Variants in PKNOX2 observed in about 807,000 individuals in gnomAD.
The protein encoded by PKNOX2 is PBX/knotted 1 homeobox 2.
In PKNOX2, 14 loss-of-function variants were observed where a neutral mutation model predicts 53.1. The ratio of observed to expected loss-of-function variants is 0.26; its 90% CI spans 0.17 to 0.41. PKNOX2 has a LOEUF of 0.41. Among genes scored for constraint, PKNOX2 ranks in the 10% least tolerant of loss-of-function variants. The pLI is 1.00. For synonymous variants in PKNOX2, 257 were observed against 242.8 expected, an observed-to-expected ratio of 1.06 and a Z score of -0.54; for missense variants, 496 against 602.8, an observed-to-expected ratio of 0.82 and a Z score of 1.85.
intron 6 of PKNOX2, among the ~76,000 whole-genome samples, chr11:125,397,582 G>A (rs1041503981): frequency 2.0e-5 from 3 of 152,208 alleles, no homozygotes; most frequent in African/African-American, 4.8e-5. Context: ...GCCTCCCATC[G>A]CTAAGGCCAA....
intron 3 of PKNOX2, among the ~76,000 whole-genome samples, chr11:125,348,728 A>G (rs1951129673): frequency 6.6e-6 from 1 of 152,218 alleles, no homozygotes; most frequent in Non-Finnish European, 1.5e-5. Flanking sequence ...GACAGTGAAC[A>G]AAAGAATGTG....
rs577666590 is a variant in PKNOX2, at chr11:125,196,505, C to T, written c.-201+31729C>T. ...AACATCCTCACCAAGAAGCTTCATG[C>T]TGTGTGTTGCTAACCAGACTTTTAT... On this transcript the variant is annotated intron_variant, in intron 1 of 12. Coordinates refer to ENST00000298282, the MANE Select transcript of PKNOX2 (RefSeq NM_001382323.2). 2.0e-5 allele frequency among the ~76,000 whole-genome samples: 3 copies of T among 152,296 alleles called. No homozygotes were observed. The East Asian group carries it at 5.8e-4, about 29-fold the overall frequency.
chr11:125,340,604 G>A (rs1004137276), intron 3 of PKNOX2, among the ~76,000 whole-genome samples: 3 of 152,178 alleles, frequency 2.0e-5, no homozygotes, highest in African/African-American at 4.8e-5. Context: ...GCACAGGGAC[G>A]GCTCAGTAAG....
chr11:125,334,587 G>GTT (rs200038202), intron 3 of PKNOX2, among the ~76,000 whole-genome samples: 9 of 131,576 alleles, frequency 6.8e-5, no homozygotes, highest in Non-Finnish European at 7.9e-5. Context: ...TTAAGTTTTC[G>GTT]TTTTTTTTTT....
intron 1 of PKNOX2, among the ~76,000 whole-genome samples, chr11:125,181,714 T>C (rs1956166863): frequency 6.6e-6 from 1 of 152,200 alleles, no homozygotes; most frequent in South Asian, 2.1e-4. Context: ...GGTGAGCCCC[T>C]CAGGATCTAG....
At chr11:125,421,349 A>G (rs1956164917) in intron 10 of PKNOX2, among the ~76,000 whole-genome samples, 1 of 152,152 alleles carries the variant, frequency 6.6e-6, no homozygotes, top group South Asian at 2.1e-4. Flanking sequence ...CAGTGACCCT[A>G]ACAGGAAGCA....
At chr11:125,429,330 A>G (rs1793016188) in intron 11 of PKNOX2, among the ~76,000 whole-genome samples, 1 of 152,186 alleles carries the variant, frequency 6.6e-6, no homozygotes, top group South Asian at 2.1e-4. Flanking sequence ...CATCCCTGGA[A>G]GCTTCTTGAG....
intron 4 of PKNOX2, among the ~76,000 whole-genome samples, chr11:125,364,129 C>G (rs1952064590): frequency 6.6e-6 from 1 of 152,228 alleles, no homozygotes; most frequent in East Asian, 1.9e-4. Flanking sequence ...AAGCTATCCC[C>G]ATCCTCCTGG....
intron 1 of PKNOX2, among the ~76,000 whole-genome samples, chr11:125,216,524 C>T (rs1940521567): frequency 6.6e-6 from 1 of 152,208 alleles, no homozygotes; most frequent in South Asian, 2.1e-4. Flanking sequence ...CCCCTTCTCC[C>T]CTCGTTCCCT....
chr11:125,334,785 A>T (rs1361554104), intron 3 of PKNOX2, among the ~76,000 whole-genome samples: 15 of 145,116 alleles, frequency 1.0e-4, no homozygotes, highest in Admixed American at 7.4e-4. Flanking sequence ...TTTTTTTTTT[A>T]AAGAGATAGT....
chr11:125,334,593 T>TGG (rs1162072625), intron 3 of PKNOX2, among the ~76,000 whole-genome samples: 3 of 141,994 alleles, frequency 2.1e-5, no homozygotes, highest in African/African-American at 9.2e-5. Context: ...TTTCGTTTTT[T>TGG]TTTTTTTTTC....
intron 5 of PKNOX2, among the ~76,000 whole-genome samples, chr11:125,373,239 T>G (rs1476280207): frequency 5.9e-5 from 9 of 152,208 alleles, no homozygotes; most frequent in Non-Finnish European, 1.3e-4. Flanking sequence ...AAAATGATAA[T>G]AGCTAGAATA....
intron 7 of PKNOX2, among the ~76,000 whole-genome samples, chr11:125,404,007 AG>A (rs1484600346): frequency 6.6e-6 from 1 of 151,976 alleles, no homozygotes; most frequent in Admixed American, 6.6e-5. Context: ...CCAGATTGGC[AG>A]GGGGCGGAAG....
At position 125,411,729 on chromosome 11, in the gene PKNOX2, C is replaced by T; in HGVS notation, c.817-17C>T. 3.1e-6 allele frequency: 5 copies of T among 1,613,958 alleles called. No individual in the cohort carries two copies. Among genetic ancestry groups the T allele is most frequent in the Non-Finnish European group, 4.2e-6 (5 of 1,179,882 alleles). On this transcript the variant is annotated splice_polypyrimidine_tract_variant and intron_variant, in intron 9 of 12. Coordinates refer to ENST00000298282, the MANE Select transcript of PKNOX2 (RefSeq NM_001382323.2). ...CACAGGCTGCTGATGCTGATTTTCT[C>T]TCCACGTGCCCTGAAGGTTAACCTT... is the stretch of plus-strand genomic sequence containing the variant.
At chr11:125,270,479 CT>C (rs1440703454) in intron 2 of PKNOX2, among the ~76,000 whole-genome samples, 1 of 152,202 alleles carries the variant, frequency 6.6e-6, no homozygotes, top group Non-Finnish European at 1.5e-5. Context: ...GCCTTTCCCC[CT>C]ATTGAATATC....
intron 3 of PKNOX2, among the ~76,000 whole-genome samples, chr11:125,350,655 C>G (rs982068942): frequency 6.6e-6 from 1 of 152,154 alleles, no homozygotes; most frequent in African/African-American, 2.4e-5. Context: ...ACCGGCATTC[C>G]CTGCCTCTTT....
intron 1 of PKNOX2, among the ~76,000 whole-genome samples, chr11:125,183,521 T>C (rs1036643968): frequency 6.6e-6 from 1 of 152,198 alleles, no homozygotes; most frequent in Admixed American, 6.5e-5. Context: ...GCTTTGTGGA[T>C]CGTTGGTGAC....
chr11:125,257,463 A>G (rs1481293878), intron 2 of PKNOX2, among the ~76,000 whole-genome samples: 1 of 152,222 alleles, frequency 6.6e-6, no homozygotes, highest in Admixed American at 6.5e-5. Context: ...GGATCCCAGT[A>G]GGATACCTCC....
intron 3 of PKNOX2, among the ~76,000 whole-genome samples, chr11:125,346,909 C>G (rs1239479020): frequency 6.6e-6 from 1 of 151,966 alleles, no homozygotes; most frequent in East Asian, 1.9e-4. Context: ...TCTCTCTGAA[C>G]TCCAGCACTC....
Sources: gnomAD v4.1 joint callset for allele counts (sites outside exome capture counted in the v4.1 genomes callset) on GRCh38, gnomAD v4.1.1 for gene constraint, MANE v1.5 for transcripts, NCBI Gene and HGNC (gene_info 2026-07-23, HGNC 2026-07-21) for gene names.